ARID5B: variants seen among roughly 807,000 people sequenced by gnomAD.
ARID5B encodes the protein AT-rich interactive domain-containing protein 5B.
A neutral mutation model predicts 97.2 loss-of-function variants in ARID5B; 13 were observed. That is an observed-to-expected ratio of 0.13 (90% CI 0.09 to 0.21). The LOEUF is 0.21. ARID5B is among the 10% of genes least tolerant of loss of function. The pLI is 1.00. For missense variants in ARID5B, 1,210 were observed against 1,465.3 expected, an observed-to-expected ratio of 0.83 and a Z score of 2.84; for synonymous variants, 556 against 570.3, an observed-to-expected ratio of 0.97 and a Z score of 0.36.
At position 62,086,709 on chromosome 10, in the gene ARID5B, A is replaced by AC. The variant is rs1554851218; in HGVS notation, c.1398+809_1398+810insC. On this transcript the variant is annotated intron_variant, in intron 9 of 9. Coordinates refer to ENST00000279873, the MANE Select transcript of ARID5B (RefSeq NM_032199.3). ...CCATCTCAAAAAAAAAAAAAAAAAA[A>AC]AAATATCAGGCATGGTGGTGCCCCG... 6.6e-4 allele frequency among the ~76,000 whole-genome samples: 75 copies of AC among 114,038 alleles called. 3 individuals carry two copies. In the South Asian group the frequency reaches 0.016, roughly 25 times the overall value. 74.8% of individuals were successfully genotyped at this position (114,038 alleles called of 152,430 possible). A position where few individuals can be genotyped will look rare whatever the true frequency, so the allele number is the denominator to read the frequency against.
chr10:62,054,528 C>T (rs1181036372), intron 5 of ARID5B, among the ~76,000 whole-genome samples: 1 of 152,206 alleles, frequency 6.6e-6, no homozygotes, highest in Admixed American at 6.5e-5. Flanking sequence ...CAGTAGGCAG[C>T]AGCCTGGCTT....
Position 62,096,032 on chromosome 10 carries a change from A to G in ARID5B, c.*3002A>G. 4.3e-6 allele frequency: 1 copy of G among 233,206 alleles called. No homozygotes were observed. Among genetic ancestry groups the G allele is most frequent in the Non-Finnish European group, 8.5e-6 (1 of 117,926 alleles). The allele number at this position is 233,206 out of a possible 1,614,324, so 14.4% of individuals were successfully genotyped here. ...CTGGTTTAATGTTTGGCAACTCCAC[A>G]TGATAAAAAAATAAAAACAGCCCAA... On this transcript the variant is annotated 3_prime_UTR_variant, in exon 10 of 10. Transcript: ENST00000279873.
intron 2 of ARID5B, among the ~76,000 whole-genome samples, chr10:61,920,422 T>C (rs1341567018): frequency 6.6e-6 from 1 of 151,338 alleles, no homozygotes; most frequent in East Asian, 2.0e-4. Context: ...CTCCGCCTCC[T>C]GGGTTCAAGC....
At chr10:62,078,068 G>C (rs577808555) in intron 8 of ARID5B, among the ~76,000 whole-genome samples, 11 of 152,158 alleles carry the variant, frequency 7.2e-5, no homozygotes, top group Non-Finnish European at 1.2e-4. Context: ...GAGAACTGTT[G>C]AACATTTCAG....
intron 2 of ARID5B, among the ~76,000 whole-genome samples, chr10:61,905,343 G>C (rs1398928846): frequency 6.6e-6 from 1 of 151,760 alleles, no homozygotes; most frequent in Non-Finnish European, 1.5e-5. Flanking sequence ...GCCTTTTTAT[G>C]ATTTCTTGAA....
At position 62,096,881 on chromosome 10, in the gene ARID5B, C is replaced by G; in HGVS notation, c.*3851C>G. ...AATAGTTTCCCAATCACATAGCAGG[C>G]AAGAGATATTTTGTACTTTTTGATC... On this transcript the variant is annotated 3_prime_UTR_variant, in exon 10 of 10. Transcript: ENST00000279873. 1 of 233,388 alleles carries G rather than the reference C, an allele frequency of 4.3e-6. No individual in the cohort carries two copies. The highest frequency in any genetic ancestry group is 8.5e-6 in the Non-Finnish European group (1 of 117,892). 14.5% of individuals were successfully genotyped at this position (233,388 alleles called of 1,614,324 possible). A position where few individuals can be genotyped will look rare whatever the true frequency, so the allele number is the denominator to read the frequency against.
In ARID5B at chr10:62,092,080, C is replaced by T. The variant is rs1840385914; in HGVS notation, c.2617C>T (p.His873Tyr). ...ATCGGAAAACAGTTCTTTTCCTTCC[C>T]ACAGACACCAAGAAAAGCTCCATGT... ...RESENSSFPS[H>Y]RHQEKLHVNY... is the part of the protein sequence containing the mutation. Residue 873 changes from histidine (H) to tyrosine (Y), a missense_variant, in exon 10 of 10, where the codon CAC (histidine) becomes TAC (tyrosine). By Grantham distance (83) the His-to-Tyr change is moderately conservative. Coordinates refer to ENST00000279873, the MANE Select transcript of ARID5B (RefSeq NM_032199.3). 9 of 1,613,638 alleles carry T rather than the reference C, an allele frequency of 5.6e-6. No individual in the cohort carries two copies. Among genetic ancestry groups the T allele is most frequent in the Non-Finnish European group, 7.6e-6 (9 of 1,179,932 alleles).
intron 4 of ARID5B, among the ~76,000 whole-genome samples, 154 bp from the exon 5 acceptor site, chr10:62,050,732 CAG>C (rs1839776705): frequency 6.6e-6 from 1 of 152,174 alleles, no homozygotes; most frequent in Non-Finnish European, 1.5e-5. Flanking sequence ...TGCAAGCCTT[CAG>C]AGAGAGAAGC....
chr10:61,904,550 A>C (rs1843675850), intron 2 of ARID5B, among the ~76,000 whole-genome samples: 1 of 152,216 alleles, frequency 6.6e-6, no homozygotes, highest in African/African-American at 2.4e-5. Context: ...GCCATACCTG[A>C]GAAAATTAAT....
intron 3 of ARID5B, among the ~76,000 whole-genome samples, chr10:61,960,678 A>C (rs1298081012): frequency 1.3e-5 from 2 of 151,422 alleles, no homozygotes; most frequent in Admixed American, 1.3e-4. Context: ...CCAAGATCTC[A>C]TCTGCCATTT....
chr10:62,086,966 G>C (rs578121118), intron 9 of ARID5B, among the ~76,000 whole-genome samples: 1 of 152,174 alleles, frequency 6.6e-6, no homozygotes, highest in East Asian at 1.9e-4. Flanking sequence ...TCCCATAATT[G>C]ATTTCTGTGC....
rs41313832 is a variant in ARID5B, at chr10:62,092,636, A to G, written c.3173A>G (p.His1058Arg). Reference protein sequence around the residue: ...EQESEGSKAAHGGHSGGGSEG... With the variant: ...EQESEGSKAARGGHSGGGSEG... ...GAGAGTGAAGGCAGCAAAGCAGCGCACGGTGGGCATTCCGGGGGCGGATCA... is the reference window on the plus strand; with the variant it reads ...GAGAGTGAAGGCAGCAAAGCAGCGCGCGGTGGGCATTCCGGGGGCGGATCA... The change falls in exon 10 of 10, where the codon CAC (histidine) becomes CGC (arginine). Residue 1058 changes from histidine (H) to arginine (R), a missense_variant. Transcript: ENST00000279873. The G allele has an allele frequency of 6.2e-7, 1 of 1,614,156 alleles. No homozygotes were observed. Among genetic ancestry groups the G allele is most frequent in the Non-Finnish European group, 8.5e-7 (1 of 1,180,008 alleles).
intron 2 of ARID5B, among the ~76,000 whole-genome samples, chr10:61,907,837 T>C (rs1053173635): frequency 3.3e-5 from 5 of 152,218 alleles, no homozygotes; most frequent in Non-Finnish European, 7.3e-5. Flanking sequence ...AACAGCAGAG[T>C]TGAGTTGTTT....
At chr10:61,936,746 C>T (rs1589225924) in intron 2 of ARID5B, among the ~76,000 whole-genome samples, 1 of 151,490 alleles carries the variant, frequency 6.6e-6, no homozygotes, top group Non-Finnish European at 1.5e-5. Context: ...CTAATTCTGA[C>T]ATGCTACTTC....
intron 3 of ARID5B, among the ~76,000 whole-genome samples, chr10:61,985,933 C>T (rs1336778199): frequency 6.6e-6 from 1 of 152,094 alleles, no homozygotes; most frequent in African/African-American, 2.4e-5. Flanking sequence ...TAAGGCAACA[C>T]CAAGCTTCAC....
intron 3 of ARID5B, among the ~76,000 whole-genome samples, chr10:61,995,702 CTGTT>C (rs749678155): frequency 5.3e-5 from 8 of 152,172 alleles, no homozygotes; most frequent in Non-Finnish European, 8.8e-5. Context: ...TGGACCCAGA[CTGTT>C]TTACTCAGTG....
At chr10:61,939,460 A>G (rs1350140507) in intron 2 of ARID5B, among the ~76,000 whole-genome samples, 1 of 152,170 alleles carries the variant, frequency 6.6e-6, no homozygotes, top group East Asian at 1.9e-4. Context: ...AGAAACTTGC[A>G]TTTCAACTAC....
At chr10:61,904,958 A>C (rs1843685313) in intron 2 of ARID5B, among the ~76,000 whole-genome samples, 1 of 152,232 alleles carries the variant, frequency 6.6e-6, no homozygotes, top group Admixed American at 6.5e-5. Context: ...TCTTCTCTGG[A>C]GGAGAGCCTT....
At chr10:61,945,310 T>C (rs1174987986) in intron 3 of ARID5B, among the ~76,000 whole-genome samples, 2 of 152,202 alleles carry the variant, frequency 1.3e-5, no homozygotes, top group East Asian at 1.9e-4. Context: ...CTTTTATTAA[T>C]GAGAGCAATG....
Sources: gnomAD v4.1 joint callset for allele counts (sites outside exome capture counted in the v4.1 genomes callset) on GRCh38, gnomAD v4.1.1 for gene constraint, MANE v1.5 for transcripts, NCBI Gene and HGNC (gene_info 2026-07-23, HGNC 2026-07-21) for gene names.